Variants in CSMD2 observed in about 807,000 individuals in gnomAD.
The protein encoded by CSMD2 is CUB and Sushi multiple domains 2, also known as CUB and sushi domain-containing protein 2.
Under a neutral mutation model 398.5 loss-of-function variants are expected in CSMD2, and 130 were observed. The ratio of observed to expected loss-of-function variants is 0.33; its 90% confidence interval spans 0.28 to 0.38. The LOEUF is 0.38. Among genes scored for constraint, CSMD2 ranks in the 10% least tolerant of loss-of-function variants. The pLI is 1.00. For missense variants in CSMD2, 3,829 were observed against 4,764.9 expected (o/e 0.80, Z 5.78); for synonymous variants, 1,828 against 1,908.5 (o/e 0.96, Z 1.10).
intron 1 of CSMD2, among the ~76,000 whole-genome samples, chr1:34,150,782 TG>T (rs1338994185): frequency 2.0e-5 from 3 of 151,146 alleles, no homozygotes; most frequent in Non-Finnish European, 4.4e-5. Flanking sequence ...TAGCCAAGGG[TG>T]GTGGCATGTG....
chr1:33,690,629 CAT>C (rs1645204193), intron 25 of CSMD2, among the ~76,000 whole-genome samples: 1 of 152,332 alleles, frequency 6.6e-6, no homozygotes, highest in East Asian at 1.9e-4. Context: ...TTGATTTGCA[CAT>C]GTGTATACTA....
chr1:33,700,402 T>G, intron 23 of CSMD2, 115 bp downstream of exon 23: 1 of 1,151,702 alleles, frequency 8.7e-7, no homozygotes, highest in African/African-American at 1.5e-5. Flanking sequence ...TATTGGATTT[T>G]AAAACAGTCT....
intron 44 of CSMD2, among the ~76,000 whole-genome samples, chr1:33,597,993 T>C (rs1203261803): frequency 1.3e-5 from 2 of 152,216 alleles, no homozygotes; most frequent in Non-Finnish European, 2.9e-5. Flanking sequence ...AGAATGATTG[T>C]CTTTACATAA....
intron 9 of CSMD2, among the ~76,000 whole-genome samples, chr1:33,812,657 A>ATCTC (rs113817437): frequency 0.79 from 120,323 of 151,858 alleles, 48,687 homozygotes; most frequent in East Asian, 0.96. Context: ...GAGTTAGAAA[A>ATCTC]TCTGATTTTG....
At chr1:33,850,094 G>A (rs746485259) in intron 5 of CSMD2, among the ~76,000 whole-genome samples, 2 of 152,062 alleles carry the variant, frequency 1.3e-5, no homozygotes, top group Non-Finnish European at 2.9e-5. Flanking sequence ...CCTTCTGCCT[G>A]CTACACTGGC....
At chr1:34,105,268 A>G (rs1182162504) in intron 1 of CSMD2, among the ~76,000 whole-genome samples, 1 of 152,156 alleles carries the variant, frequency 6.6e-6, no homozygotes, top group Non-Finnish European at 1.5e-5. Flanking sequence ...TGTCCTGTAC[A>G]TATAGGATGT....
chr1:33,599,544 G>T (rs2148798466), intron 44 of CSMD2: 1 of 152,316 alleles, frequency 6.6e-6, no homozygotes, highest in East Asian at 1.9e-4. Flanking sequence ...TGAAATGACA[G>T]ACAAAGTTAC....
At chr1:33,929,531 G>A (rs573930159) in intron 4 of CSMD2, among the ~76,000 whole-genome samples, 1 of 143,534 alleles carries the variant, frequency 7.0e-6, no homozygotes, top group African/African-American at 2.6e-5. Context: ...TCCACCTCCC[G>A]GATTCAAGAG....
chr1:34,129,816 G>C (rs1023439720), intron 1 of CSMD2, among the ~76,000 whole-genome samples: 1 of 152,194 alleles, frequency 6.6e-6, no homozygotes, highest in African/African-American at 2.4e-5. Flanking sequence ...CTGCAGGAAG[G>C]AACAAGCCTG....
chr1:33,719,166 C>T (rs1268125258), intron 19 of CSMD2, among the ~76,000 whole-genome samples: 1 of 152,134 alleles, frequency 6.6e-6, no homozygotes, highest in Non-Finnish European at 1.5e-5. Context: ...CATGTGCCCA[C>T]GTGCATGCTC....
chr1:33,835,675 AAAC>A (rs1290707667), intron 6 of CSMD2, among the ~76,000 whole-genome samples: 1 of 87,988 alleles, frequency 1.1e-5, no homozygotes, highest in Non-Finnish European at 2.0e-5. Context: ...AATTAAAACA[AAAC>A]AAAACAAAAC....
At chr1:33,732,186 G>A (rs1646742732) in intron 15 of CSMD2, among the ~76,000 whole-genome samples, 1 of 152,152 alleles carries the variant, frequency 6.6e-6, no homozygotes, top group Non-Finnish European at 1.5e-5. Flanking sequence ...CTTGAACAGG[G>A]AGAAGAGCTC....
rs1305911125 is a variant in CSMD2 at position 33,714,605 on chromosome 1, G to A, written c.3388C>T (p.Pro1130Ser). The A allele has an allele frequency of 6.2e-7, 1 of 1,613,836 alleles. No individual in the cohort carries two copies. The highest frequency in any genetic ancestry group is 8.5e-7 in the Non-Finnish European group (1 of 1,179,992). ...CACCTACCAACACACCTTGGCAGAG[G>A]CGAGCTCCACAGGCGCCGTCTGCCC... ...LGGRRRLWSS[P>S]LPRCVAECGN... Residue 1130 changes from proline to serine, a missense_variant, in exon 21 of 71, where the codon CCT becomes TCT. Transcript: ENST00000373381.
intron 70 of CSMD2, among the ~76,000 whole-genome samples, chr1:33,516,825 G>A (rs1222842218): frequency 2.6e-5 from 4 of 152,030 alleles, no homozygotes; most frequent in Non-Finnish European, 5.9e-5. Flanking sequence ...CATTAGACCT[G>A]GAGGCCCAGT....
At chr1:33,713,382 A>AT (rs1162864713) in intron 21 of CSMD2, among the ~76,000 whole-genome samples, 1 of 152,132 alleles carries the variant, frequency 6.6e-6, no homozygotes, top group Non-Finnish European at 1.5e-5. Context: ...TGTTTTGTAT[A>AT]TTTTTATGGG....
At chr1:33,663,264 C>A (rs1276119116) in intron 25 of CSMD2, among the ~76,000 whole-genome samples, 172 bp from the exon 26 acceptor site, 1 of 152,160 alleles carries the variant, frequency 6.6e-6, no homozygotes, top group South Asian at 2.1e-4. Context: ...CTCATTTCAC[C>A]AGGCCAGCTC....
intron 3 of CSMD2, among the ~76,000 whole-genome samples, chr1:34,011,178 C>T (rs1249079107): frequency 1.3e-5 from 2 of 152,182 alleles, no homozygotes; most frequent in African/African-American, 2.4e-5. Context: ...TGCCTGTGCT[C>T]ATGAGTGAAT....
chr1:33,800,684 C>A (rs1453113117), intron 10 of CSMD2, among the ~76,000 whole-genome samples: 1 of 152,110 alleles, frequency 6.6e-6, no homozygotes, highest in Non-Finnish European at 1.5e-5. Flanking sequence ...AGGAGGGGCA[C>A]AAAATCCTGG....
At chr1:33,841,216 C>G (rs1179529994) in intron 6 of CSMD2, among the ~76,000 whole-genome samples, 2 of 152,072 alleles carry the variant, frequency 1.3e-5, no homozygotes, top group African/African-American at 4.8e-5. Context: ...AGGGAGGGGC[C>G]AAATGACGAT....
Sources: allele counts gnomAD v4.1 joint callset (sites outside exome capture counted in the v4.1 genomes callset), GRCh38; gene constraint gnomAD v4.1.1; transcripts MANE v1.5; gene names NCBI Gene and HGNC (gene_info 2026-07-23, HGNC 2026-07-21).